The following OSBPL10 variants were observed in gnomAD, a reference collection of about 807,000 sequenced individuals.
OSBPL10 encodes oxysterol binding protein like 10, also known as oxysterol-binding protein-related protein 10.
OSBPL10 carries 49 observed loss-of-function variants against 81.7 expected under a neutral mutation model. That is an observed-to-expected ratio of 0.60 (90% CI 0.48 to 0.76). The LOEUF is 0.76. OSBPL10 is among the 30% of genes least tolerant of loss of function. The pLI is 0.00. For synonymous variants in OSBPL10, 419 were observed against 383.6 expected (o/e 1.09, Z -1.08); for missense variants, 923 against 987.8 (o/e 0.93, Z 0.88).
intron 1 of OSBPL10, among the ~76,000 whole-genome samples, chr3:32,047,207 G>A (rs995212460): frequency 7.2e-5 from 11 of 152,002 alleles, no homozygotes; most frequent in Non-Finnish European, 1.6e-4. Context: ...GAATCCCTGA[G>A]CTCAAGCTAT....
Position 31,799,267 on chromosome 3 carries a change from C to T in OSBPL10, c.729+30773G>A, listed in dbSNP as rs4073878. 3.3e-5 allele frequency among the ~76,000 whole-genome samples: 5 copies of T among 149,970 alleles called. No individual in the cohort carries two copies. In the Admixed American group the frequency reaches 3.4e-4, roughly 10 times the overall value. ...CAAGCATAGTCACAGTTAAGAGTAG[C>T]GTGATGGTACAGGCTTGTCACCCCA... On this transcript the variant is annotated intron_variant, in intron 4 of 11. Transcript: ENST00000396556.
chr3:31,765,044 G>T (rs907964814), intron 4 of OSBPL10, among the ~76,000 whole-genome samples: 2 of 151,944 alleles, frequency 1.3e-5, no homozygotes, highest in African/African-American at 2.4e-5. Context: ...TGGAGACAGG[G>T]TCTTGCTCTG....
At chr3:31,697,766 C>T (rs1179186615) in intron 7 of OSBPL10, among the ~76,000 whole-genome samples, 4 of 151,694 alleles carry the variant, frequency 2.6e-5, no homozygotes, top group Non-Finnish European at 4.4e-5. Context: ...GTAGCTTCCT[C>T]CTCTTTTTTT....
intron 1 of OSBPL10, among the ~76,000 whole-genome samples, chr3:32,058,824 A>T (rs1337427923): frequency 3.3e-5 from 5 of 152,128 alleles, no homozygotes; most frequent in Non-Finnish European, 7.4e-5. Context: ...AGCCATAGGG[A>T]CTACATGTAT....
chr3:31,823,961 C>T (rs534449728), intron 4 of OSBPL10, among the ~76,000 whole-genome samples: 14 of 152,224 alleles, frequency 9.2e-5, no homozygotes, highest in Non-Finnish European at 1.6e-4. Context: ...AAAGGATTCT[C>T]CCACCTCAGC....
intron 1 of OSBPL10, among the ~76,000 whole-genome samples, chr3:32,062,479 A>T (rs1699757452): frequency 1.1e-5 from 1 of 94,276 alleles, no homozygotes; most frequent in African/African-American, 2.7e-5. Context: ...TGGTAATTTC[A>T]CTATAGGATT....
chr3:31,831,278 T>A (rs1003505426), intron 3 of OSBPL10, among the ~76,000 whole-genome samples: 13 of 152,058 alleles, frequency 8.5e-5, no homozygotes, highest in Non-Finnish European at 1.6e-4. Flanking sequence ...TGGTGGCACA[T>A]GCCTGTAATC....
intron 1 of OSBPL10, among the ~76,000 whole-genome samples, chr3:31,895,999 C>A (rs1575603934): frequency 6.6e-6 from 1 of 152,130 alleles, no homozygotes; most frequent in Non-Finnish European, 1.5e-5. Context: ...ATGCACACAC[C>A]TATACACACA....
rs181987974 is a variant in OSBPL10, at chr3:31,821,168, G to A, written c.729+8872C>T. 4.6e-5 allele frequency among the ~76,000 whole-genome samples: 7 copies of A among 152,086 alleles called. No individual in the cohort carries two copies. The East Asian group carries it at 1.4e-3, about 29-fold the overall frequency. On this transcript the variant is annotated intron_variant, in intron 4 of 11. Coordinates refer to ENST00000396556, the MANE Select transcript of OSBPL10 (RefSeq NM_017784.5). ...ACCACAACAGAGCATTCTCCTGCCA[G>A]GGCAGCAGTTGGACAATGAGTTGAG...
intron 3 of OSBPL10, among the ~76,000 whole-genome samples, chr3:31,872,374 G>T (rs1465021963): frequency 6.6e-6 from 1 of 151,790 alleles, no homozygotes; most frequent in East Asian, 1.9e-4. Context: ...GCTTCTTTGT[G>T]TACAAACCAA....
At chr3:31,797,630 C>G (rs113118026) in intron 4 of OSBPL10, 1 of 327,534 alleles carries the variant, frequency 3.1e-6, no homozygotes, top group Non-Finnish European at 6.2e-6. Flanking sequence ...TTCTGTGAAC[C>G]CTGCAAAAGG....
At chr3:31,944,364 G>A (rs1435023444) in intron 1 of OSBPL10, among the ~76,000 whole-genome samples, 1 of 151,998 alleles carries the variant, frequency 6.6e-6, no homozygotes, top group Non-Finnish European at 1.5e-5. Context: ...CTTCCAAACT[G>A]GTAAACCATG....
chr3:31,788,728 T>C (rs1413310933), intron 4 of OSBPL10, among the ~76,000 whole-genome samples: 1 of 152,092 alleles, frequency 6.6e-6, no homozygotes, highest in Non-Finnish European at 1.5e-5. Flanking sequence ...CATTGAGCTA[T>C]GATGCCACCT....
chr3:31,870,212 C>G (rs72850601), intron 3 of OSBPL10, among the ~76,000 whole-genome samples: 2 of 152,228 alleles, frequency 1.3e-5, no homozygotes, highest in Non-Finnish European at 2.9e-5. Context: ...CCCCGCACTC[C>G]GAGCAGCCGG....
intron 1 of OSBPL10, among the ~76,000 whole-genome samples, chr3:31,952,106 CTT>C (rs1382396156): frequency 6.6e-6 from 1 of 151,536 alleles, no homozygotes. Context: ...ACAAAAGACT[CTT>C]AAATTCAATG....
chr3:32,010,610 A>G (rs985116397), intron 2 of OSBPL10, among the ~76,000 whole-genome samples: 1 of 152,214 alleles, frequency 6.6e-6, no homozygotes, highest in African/African-American at 2.4e-5. Flanking sequence ...CAGTGGGTGC[A>G]GCGCACTGAG....
In OSBPL10 at chr3:31,689,529, T is replaced by C. The variant is rs1340626184; in HGVS notation, c.1246-5415A>G. 4.6e-5 allele frequency among the ~76,000 whole-genome samples: 7 copies of C among 152,330 alleles called. No individual in the cohort carries two copies. The East Asian group carries it at 9.6e-4, about 21-fold the overall frequency. On this transcript the variant is annotated intron_variant, in intron 7 of 11. Coordinates refer to ENST00000396556, the MANE Select transcript of OSBPL10 (RefSeq NM_017784.5). ...TAATCAAAAAATAAACATACATGTA[T>C]GATATGGTTTGGCTGTGTCCCCACC...
chr3:32,004,216 G>A (rs1325204819), intron 2 of OSBPL10, among the ~76,000 whole-genome samples: 1 of 152,190 alleles, frequency 6.6e-6, no homozygotes, highest in Non-Finnish European at 1.5e-5. Context: ...TGACAGCCAA[G>A]TCTGGAGCCC....
At chr3:31,939,170 A>G (rs1442132181) in intron 1 of OSBPL10, among the ~76,000 whole-genome samples, 4 of 127,588 alleles carry the variant, frequency 3.1e-5, no homozygotes, top group Non-Finnish European at 6.4e-5. Context: ...TTTGAGACAG[A>G]GTTTCACTCT....
Sources: allele counts gnomAD v4.1 joint callset (sites outside exome capture counted in the v4.1 genomes callset), GRCh38; gene constraint gnomAD v4.1.1; transcripts MANE v1.5; gene names NCBI Gene and HGNC (gene_info 2026-07-23, HGNC 2026-07-21).